The following HMGCLL1 variants were observed in gnomAD, a reference collection of about 807,000 sequenced individuals.
HMGCLL1 encodes 3-hydroxymethyl-3-methylglutaryl-CoA lyase, cytoplasmic.
In HMGCLL1, 36 loss-of-function variants were observed where a neutral mutation model predicts 39.1. That is an observed-to-expected ratio of 0.92 (90% CI 0.71 to 1.22). The LOEUF is 1.22. HMGCLL1 is among the 50% of genes most tolerant of loss of function. The probability of loss-of-function intolerance (pLI) is 0.00; values close to 1 mark genes in which losing one functional copy is unlikely to be tolerated. For synonymous variants in HMGCLL1, 149 were observed against 144.0 expected, an observed-to-expected ratio of 1.03 and a Z score of -0.25; for missense variants, 451 against 416.5, an observed-to-expected ratio of 1.08 and a Z score of -0.72.
At chr6:55,551,639 G>C (rs928365283) in intron 1 of HMGCLL1, among the ~76,000 whole-genome samples, 1 of 151,934 alleles carries the variant, frequency 6.6e-6, no homozygotes, top group Non-Finnish European at 1.5e-5. Context: ...CAGGGGTGAT[G>C]GCCTCATCAG....
At chr6:55,635,219 T>G in the HMGCLL1 span, among the ~76,000 whole-genome samples, 3 of 152,148 alleles carry the variant, frequency 2.0e-5, no homozygotes, top group African/African-American at 7.2e-5. Flanking sequence ...GGAACTTATT[T>G]AAAGTAAAGC....
the HMGCLL1 span, among the ~76,000 whole-genome samples, chr6:55,675,953 T>C: frequency 6.6e-6 from 1 of 152,218 alleles, no homozygotes; most frequent in African/African-American, 2.4e-5. Context: ...ATTTCCCATT[T>C]ACATATCAAA....
chr6:55,602,080 G>A, the HMGCLL1 span, among the ~76,000 whole-genome samples: 1 of 151,562 alleles, frequency 6.6e-6, no homozygotes, highest in African/African-American at 2.4e-5. Flanking sequence ...TTTTTCTTTG[G>A]CTCTTCATCT....
chr6:55,672,224 A>G, the HMGCLL1 span, among the ~76,000 whole-genome samples: 2 of 152,020 alleles, frequency 1.3e-5, no homozygotes, highest in South Asian at 4.1e-4. Context: ...CAGCCAAAAG[A>G]AATAAACTAA....
chr6:55,637,711 GAT>G, the HMGCLL1 span, among the ~76,000 whole-genome samples: 1 of 53,728 alleles, frequency 1.9e-5, no homozygotes, highest in African/African-American at 8.1e-5. Context: ...TCTATAATTT[GAT>G]ATGTGTGTGT....
intron 3 of HMGCLL1, among the ~76,000 whole-genome samples, chr6:55,523,497 G>A (rs576983805): frequency 9.2e-5 from 14 of 152,038 alleles, no homozygotes; most frequent in Admixed American, 4.6e-4. Context: ...AACACATGGC[G>A]ATTGGAATAC....
the HMGCLL1 span, among the ~76,000 whole-genome samples, chr6:55,674,448 T>C: frequency 6.6e-6 from 1 of 151,378 alleles, no homozygotes; most frequent in Non-Finnish European, 1.5e-5. Flanking sequence ...ATTTAGGTCA[T>C]TGGTAATGAG....
At chr6:55,595,247 T>C in the HMGCLL1 span, among the ~76,000 whole-genome samples, 3 of 152,196 alleles carry the variant, frequency 2.0e-5, no homozygotes, top group Admixed American at 6.5e-5. Flanking sequence ...CAAATATAAG[T>C]AGAGAGATGA....
chr6:55,467,906 TG>T (rs1764861361), intron 7 of HMGCLL1, among the ~76,000 whole-genome samples: 1 of 152,048 alleles, frequency 6.6e-6, no homozygotes, highest in African/African-American at 2.4e-5. Context: ...TGAGGTGCCA[TG>T]TGGTACAGGA....
At chr6:55,598,559 A>G in the HMGCLL1 span, among the ~76,000 whole-genome samples, 106 of 152,336 alleles carry the variant, frequency 7.0e-4, no homozygotes, top group African/African-American at 2.4e-3. Context: ...AAAGTCCACC[A>G]GTCTCCAAAT....
the HMGCLL1 span, among the ~76,000 whole-genome samples, chr6:55,645,289 A>AT: frequency 6.6e-6 from 1 of 151,754 alleles, no homozygotes; most frequent in African/African-American, 2.4e-5. Context: ...CAGTTCTGGT[A>AT]TTTTTTTGGT....
At chr6:55,603,083 A>G in the HMGCLL1 span, among the ~76,000 whole-genome samples, 2,531 of 152,090 alleles carry the variant, frequency 0.017, 68 homozygotes, top group African/African-American at 0.057. Flanking sequence ...AAATGATATC[A>G]CCTGTTATTT....
At chr6:55,612,347 A>G in the HMGCLL1 span, among the ~76,000 whole-genome samples, 1 of 152,242 alleles carries the variant, frequency 6.6e-6, no homozygotes, top group South Asian at 2.1e-4. Flanking sequence ...AGGAAGAATC[A>G]ATAACATGAA....
At chr6:55,538,946 T>C (rs1053045357) in intron 3 of HMGCLL1, among the ~76,000 whole-genome samples, 1 of 152,192 alleles carries the variant, frequency 6.6e-6, no homozygotes, top group African/African-American at 2.4e-5. Flanking sequence ...ATATTACTAC[T>C]ACTCTTAATC....
intron 5 of HMGCLL1, among the ~76,000 whole-genome samples, chr6:55,511,160 CT>C (rs1321773810): frequency 1.3e-5 from 2 of 151,852 alleles, no homozygotes; most frequent in Non-Finnish European, 2.9e-5. Context: ...CCCTCTTAAC[CT>C]TTTACAATTT....
intron 7 of HMGCLL1, among the ~76,000 whole-genome samples, chr6:55,476,394 A>C (rs1765287536): frequency 6.6e-6 from 1 of 151,520 alleles, no homozygotes; most frequent in Non-Finnish European, 1.5e-5. Flanking sequence ...AGTACCAGTA[A>C]TTTTTATATA....
At chr6:55,473,526 C>A (rs866977114) in intron 7 of HMGCLL1, among the ~76,000 whole-genome samples, 1 of 151,520 alleles carries the variant, frequency 6.6e-6, no homozygotes, top group Non-Finnish European at 1.5e-5. Context: ...ATCCCAAATT[C>A]ATTCCTCCCA....
the HMGCLL1 span, among the ~76,000 whole-genome samples, chr6:55,594,679 G>A: frequency 6.6e-6 from 1 of 152,164 alleles, no homozygotes; most frequent in Admixed American, 6.6e-5. Context: ...GCTAGGGACA[G>A]CTAACTCCCT....
Position 55,499,358 on chromosome 6 carries a change from A to G in HMGCLL1, c.543-59T>C, listed in dbSNP as rs1766756971. The G allele has an allele frequency of 3.4e-5, 44 of 1,301,416 alleles. No individual in the cohort carries two copies. The South Asian group carries it at 6.2e-4, about 18-fold the overall frequency. The allele number at this position is 1,301,416 out of a possible 1,614,324, so 80.6% of individuals were successfully genotyped here. On this transcript the variant is annotated intron_variant, in intron 5 of 8. Coordinates refer to ENST00000274901, the MANE Select transcript of HMGCLL1 (RefSeq NM_001042406.2). ...ATGGTAAATAAGCCATTTCCATTTT[A>G]TAAAAATTAAGAATTAGCTGAAACT... is the stretch of plus-strand genomic sequence containing the variant.
Sources: allele counts gnomAD v4.1 joint callset (sites outside exome capture counted in the v4.1 genomes callset), GRCh38; gene constraint gnomAD v4.1.1; transcripts MANE v1.5; gene names NCBI Gene and HGNC (gene_info 2026-07-23, HGNC 2026-07-21).